Variants in OCA2 observed in about 807,000 individuals in gnomAD.
OCA2 encodes OCA2 melanosomal transmembrane protein.
In OCA2, 77 loss-of-function variants were observed where a neutral mutation model predicts 100.2. That is an observed-to-expected ratio of 0.77 (90% CI 0.64 to 0.93). The LOEUF is 0.93. Ranked by LOEUF, OCA2 falls within the 40% of genes least tolerant of loss-of-function variation. OCA2 has a pLI of 0.00. For missense variants in OCA2, 1,062 were observed against 1,089.1 expected, an observed-to-expected ratio of 0.98 and a Z score of 0.35; for synonymous variants, 432 against 439.2, an observed-to-expected ratio of 0.98 and a Z score of 0.21.
chr15:28,063,456 C>G (rs2043935089), intron 2 of OCA2, among the ~76,000 whole-genome samples: 1 of 151,986 alleles, frequency 6.6e-6, no homozygotes, highest in South Asian at 2.1e-4. Flanking sequence ...GTATTTTTTT[C>G]TATATGCCTC....
chr15:27,803,845 G>C (rs1341002595), intron 23 of OCA2, among the ~76,000 whole-genome samples: 1 of 152,190 alleles, frequency 6.6e-6, no homozygotes, highest in Non-Finnish European at 1.5e-5. Context: ...CAAAGACGTA[G>C]AGAAATGAGA....
intron 1 of OCA2, 94 bp from the exon 2 acceptor site, chr15:28,081,989 T>C: frequency 1.9e-6 from 2 of 1,032,592 alleles, no homozygotes; most frequent in East Asian, 5.2e-5. Context: ...GGTTGCTTCT[T>C]CGGAGGCGGT....
At chr15:28,096,838 G>A (rs1272044016) in intron 1 of OCA2, among the ~76,000 whole-genome samples, 2 of 151,996 alleles carry the variant, frequency 1.3e-5, no homozygotes, top group Non-Finnish European at 2.9e-5. Context: ...CGCGTTCGCA[G>A]GGCCCCCCGG....
intron 3 of OCA2, among the ~76,000 whole-genome samples, chr15:28,030,113 T>C (rs952496430): frequency 1.3e-5 from 2 of 152,212 alleles, no homozygotes; most frequent in African/African-American, 4.8e-5. Flanking sequence ...TTAAAAGTTA[T>C]TGATTAGGAG....
intron 18 of OCA2, among the ~76,000 whole-genome samples, chr15:27,951,010 C>T (rs1022354323): frequency 1.3e-5 from 2 of 152,182 alleles, no homozygotes; most frequent in African/African-American, 4.8e-5. Flanking sequence ...TTCTTATAAA[C>T]CTACACTTTC....
intron 23 of OCA2, among the ~76,000 whole-genome samples, chr15:27,815,258 G>A (rs758907897): frequency 6.6e-5 from 10 of 152,292 alleles, no homozygotes; most frequent in East Asian, 1.9e-4. Context: ...GGCCAACCCC[G>A]CTGTTCGTGT....
At chr15:27,930,753 C>T (rs11074312) in intron 18 of OCA2, among the ~76,000 whole-genome samples, 99,368 of 150,468 alleles carry the variant, frequency 0.66, 33,461 homozygotes, top group East Asian at 1. Context: ...CAAGGAGCTC[C>T]TCAGTGTGGT....
chr15:27,935,217 G>A (rs923450714), intron 18 of OCA2, among the ~76,000 whole-genome samples: 1 of 152,192 alleles, frequency 6.6e-6, no homozygotes, highest in African/African-American at 2.4e-5. Context: ...GAGTGGAGAT[G>A]AATACAGATA....
At chr15:27,870,818 G>GAA (rs796603400) in intron 21 of OCA2, among the ~76,000 whole-genome samples, 2 of 148,282 alleles carry the variant, frequency 1.3e-5, no homozygotes, top group East Asian at 1.9e-4. Context: ...GAAAGAGAGA[G>GAA]AGAAAGAAAG....
chr15:27,822,060 C>T (rs2034529652), intron 23 of OCA2, among the ~76,000 whole-genome samples: 1 of 152,076 alleles, frequency 6.6e-6, no homozygotes, highest in South Asian at 2.1e-4. Context: ...GGCAGTCAAT[C>T]CCTGAATAGA....
chr15:27,856,691 A>G (rs751675046), intron 21 of OCA2, among the ~76,000 whole-genome samples: 12 of 144,024 alleles, frequency 8.3e-5, no homozygotes, highest in Non-Finnish European at 1.8e-4. Flanking sequence ...ACACACAAAC[A>G]CACACCCCTA....
downstream of OCA2, among the ~76,000 whole-genome samples, chr15:27,750,443 T>A (rs770058989): frequency 1.3e-5 from 2 of 152,204 alleles, no homozygotes; most frequent in Non-Finnish European, 2.9e-5. Flanking sequence ...GGAATAGGCA[T>A]TATTAATATG....
the OCA2 span, among the ~76,000 whole-genome samples, chr15:27,748,494 C>G: frequency 6.6e-6 from 1 of 152,148 alleles, no homozygotes; most frequent in Non-Finnish European, 1.5e-5. Context: ...CAAAACTAGA[C>G]AGTCATTGGA....
intron 9 of OCA2, among the ~76,000 whole-genome samples, chr15:27,997,119 G>GGAAGGAAGGAA (rs1261016544): frequency 2.7e-5 from 2 of 75,214 alleles, no homozygotes; most frequent in Admixed American, 2.5e-4. Flanking sequence ...AAGAAAGGAA[G>GGAAGGAAGGAA]GAAGGAAGGA....
At chr15:28,041,511 GA>G (rs2043200358) in intron 2 of OCA2, among the ~76,000 whole-genome samples, 1 of 152,194 alleles carries the variant, frequency 6.6e-6, no homozygotes, top group African/African-American at 2.4e-5. Context: ...TGCAGTATTG[GA>G]AGTTCTAGCC....
chr15:27,799,913 A>T (rs933110614), intron 23 of OCA2, among the ~76,000 whole-genome samples: 7 of 152,152 alleles, frequency 4.6e-5, no homozygotes, highest in Non-Finnish European at 1.0e-4. Flanking sequence ...AGTGATGAAG[A>T]GGAGAATTAT....
At chr15:27,830,644 G>A (rs533187621) in intron 23 of OCA2, among the ~76,000 whole-genome samples, 1 of 152,294 alleles carries the variant, frequency 6.6e-6, no homozygotes, top group Non-Finnish European at 1.5e-5. Flanking sequence ...GAATGTGTGT[G>A]TATGTGTGTG....
chr15:27,724,478 T>G, the OCA2 span, among the ~76,000 whole-genome samples: 2 of 152,154 alleles, frequency 1.3e-5, no homozygotes, highest in Non-Finnish European at 1.5e-5. Flanking sequence ...TGATTGCCCC[T>G]TTTAAGACCC....
chr15:27,815,984 A>C (rs995886581), intron 23 of OCA2, among the ~76,000 whole-genome samples: 12 of 152,292 alleles, frequency 7.9e-5, no homozygotes, highest in Admixed American at 5.9e-4. Flanking sequence ...ATACAAAAAA[A>C]TTAGCCAGGC....
Sources: allele counts gnomAD v4.1 joint callset (sites outside exome capture counted in the v4.1 genomes callset), GRCh38; gene constraint gnomAD v4.1.1; transcripts MANE v1.5; gene names NCBI Gene and HGNC (gene_info 2026-07-23, HGNC 2026-07-21).